The following LRRC61 variants were observed in gnomAD, a reference collection of about 807,000 sequenced individuals.
The protein encoded by LRRC61 is leucine-rich repeat-containing protein 61.
LRRC61 carries 9 observed loss-of-function variants against 15.1 expected under a neutral mutation model. The observed-to-expected ratio is 0.60, with a 90% confidence interval of 0.36 to 1.04. LRRC61 has a LOEUF of 1.04. LRRC61 is among the 50% of genes least tolerant of loss of function. The pLI is 0.01. For missense variants in LRRC61, 344 were observed against 335.6 expected, an observed-to-expected ratio of 1.03 and a Z score of -0.20; for synonymous variants, 173 against 158.6, an observed-to-expected ratio of 1.09 and a Z score of -0.68.
rs1470749986 is a variant in LRRC61 at position 150,333,115 on chromosome 7, G to A, written c.-144-3603G>A. 1.3e-5 allele frequency among the ~76,000 whole-genome samples: 2 copies of A among 152,212 alleles called. No homozygotes were observed. Among genetic ancestry groups the A allele is most frequent in the South Asian group, 2.1e-4 (1 of 4,834 alleles). On this transcript the variant is annotated intron_variant, in intron 2 of 2. Transcript: ENST00000359623. This position sits in a 1 kb window ranked among gnomAD's most constrained non-coding sequence, Gnocchi z 4.3. ...GTGTGGCATCACCGAGCGGGCTCAT[G>A]TTCTGGGAGAGGACTGGGAGGCCTA... is the stretch of plus-strand genomic sequence containing the variant.
chr7:150,316,922 T>C, the LRRC61 span, among the ~76,000 whole-genome samples: 1 of 152,222 alleles, frequency 6.6e-6, no homozygotes, highest in Non-Finnish European at 1.5e-5. Context: ...TCCATTTATT[T>C]AGGTCTTCTT....
intron 1 of LRRC61, among the ~76,000 whole-genome samples, chr7:150,324,571 A>C (rs974517285): frequency 1.3e-5 from 2 of 152,192 alleles, no homozygotes; most frequent in Non-Finnish European, 2.9e-5. Context: ...GCTCTCAGGC[A>C]TAAGCTGCCT....
At chr7:150,314,201 C>T in the LRRC61 span, among the ~76,000 whole-genome samples, 1 of 152,130 alleles carries the variant, frequency 6.6e-6, no homozygotes, top group Non-Finnish European at 1.5e-5. Flanking sequence ...TGGCAGGAGC[C>T]GAAGGGATCT....
At chr7:150,315,272 C>T in the LRRC61 span, among the ~76,000 whole-genome samples, 50 of 151,994 alleles carry the variant, frequency 3.3e-4, no homozygotes, top group African/African-American at 1.2e-3. Flanking sequence ...TAAAATTGAA[C>T]GTCATCGTGA....
the LRRC61 span, among the ~76,000 whole-genome samples, chr7:150,316,200 AAAAC>A: frequency 2.0e-5 from 3 of 152,356 alleles, no homozygotes; most frequent in East Asian, 1.9e-4. Flanking sequence ...TCTGTCTCAA[AAAAC>A]AAACAAACAA....
rs746030305 is a variant in LRRC61 at position 150,337,194 on chromosome 7, C to T, written c.333C>T (p.Thr111=). The change falls in exon 3 of 3, where the codon ACC becomes ACT. Residue 111 remains threonine (T), a synonymous_variant. Transcript: ENST00000359623. ...SLNAAGNLLA[T]PGQLQCLAGL... ...ATGCCGCAGGCAACCTACTGGCCAC[C>T]CCGGGCCAGCTGCAGTGTCTGGCTG... 27 of 1,606,950 alleles carry T rather than the reference C, an allele frequency of 1.7e-5. No homozygotes were observed. The South Asian group carries it at 2.3e-4, about 14-fold the overall frequency.
At chr7:150,320,641 T>TA (rs1797409914), upstream of LRRC61, among the ~76,000 whole-genome samples, 1 of 152,170 alleles carries the variant, frequency 6.6e-6, no homozygotes, top group South Asian at 2.1e-4. Flanking sequence ...CGCACATCTG[T>TA]AATTCCAGCT....
intron 2 of LRRC61, among the ~76,000 whole-genome samples, chr7:150,332,965 CAT>C (rs1377918364): frequency 6.6e-6 from 1 of 152,210 alleles, no homozygotes; most frequent in Admixed American, 6.5e-5. Flanking sequence ...TCCTGACTCA[CAT>C]GTCGGGGCGG....
chr7:150,310,145 G>A, the LRRC61 span, among the ~76,000 whole-genome samples: 1 of 152,048 alleles, frequency 6.6e-6, no homozygotes, highest in African/African-American at 2.4e-5. Flanking sequence ...CTGCTTCCCT[G>A]GTTATTCCTG....
chr7:150,321,005 TCG>T (rs1349368469), upstream of LRRC61, among the ~76,000 whole-genome samples: 1 of 152,206 alleles, frequency 6.6e-6, no homozygotes, highest in African/African-American at 2.4e-5. Context: ...CTCTCAGTCC[TCG>T]TTTTGACTAG....
rs979406866 is a variant in LRRC61, at chr7:150,333,628, T to C, written c.-144-3090T>C. Reference sequence around the variant, plus strand: ...TTCCCTGGTTCTCAGTCAGCCTCCCTCAAAGGGCCCAAGTGCCATCCTTGT... The same window carrying C: ...TTCCCTGGTTCTCAGTCAGCCTCCCCCAAAGGGCCCAAGTGCCATCCTTGT... On this transcript the variant is annotated intron_variant, in intron 2 of 2. Coordinates refer to ENST00000359623, the MANE Select transcript of LRRC61 (RefSeq NM_001142928.2). This position sits in a 1 kb window ranked among gnomAD's most constrained non-coding sequence, Gnocchi z 4.3. 5.3e-5 allele frequency among the ~76,000 whole-genome samples: 8 copies of C among 152,174 alleles called. No individual in the cohort carries two copies. The highest frequency in any genetic ancestry group is 1.9e-4 in the African/African-American group (8 of 41,434).
At chr7:150,329,281 C>T (rs1171513896) in intron 2 of LRRC61, among the ~76,000 whole-genome samples, 2 of 152,120 alleles carry the variant, frequency 1.3e-5, no homozygotes, top group Non-Finnish European at 2.9e-5. Flanking sequence ...AGTGAGGGAC[C>T]GAGATTAAAG....
rs1798357704 is a variant in LRRC61 at position 150,337,745 on chromosome 7, C to G, written c.*104C>G. 6 of 1,207,162 alleles carry G rather than the reference C, an allele frequency of 5.0e-6. No individual in the cohort carries two copies. The highest frequency in any genetic ancestry group is 5.7e-5 in the Admixed American group (2 of 35,130). 74.8% of individuals were successfully genotyped at this position (1,207,162 alleles called of 1,614,324 possible). ...AGTTGCTTCACACTGGTCACTGGCC[C>G]TGCACACTGGGCTATTGCTTTATCC... On this transcript the variant is annotated 3_prime_UTR_variant, in exon 3 of 3. Coordinates refer to ENST00000359623, the MANE Select transcript of LRRC61 (RefSeq NM_001142928.2).
the LRRC61 span, among the ~76,000 whole-genome samples, chr7:150,309,789 A>T: frequency 6.6e-6 from 1 of 152,154 alleles, no homozygotes; most frequent in South Asian, 2.1e-4. Context: ...TCTCTGGCTG[A>T]CTGCTTCTCA....
chr7:150,314,400 G>A, the LRRC61 span, among the ~76,000 whole-genome samples: 6 of 152,134 alleles, frequency 3.9e-5, no homozygotes, highest in Non-Finnish European at 8.8e-5. Flanking sequence ...AAGAACACTG[G>A]CTTATAGAAG....
Position 150,336,958 on chromosome 7 carries a change from A to T in LRRC61, c.97A>T (p.Ile33Phe), listed in dbSNP as rs1269075629. The T allele has an allele frequency of 6.2e-7, 1 of 1,613,968 alleles. No individual in the cohort carries two copies. The highest frequency in any genetic ancestry group is 2.2e-5 in the East Asian group (1 of 44,882). The stretch of plus-strand genomic sequence containing the variant: ...CACAGGCGAGTTCTCCCTGGAGTCC[A>T]TCCTGCTACTGAAGCTGCGTGGCTT... ...SRTGEFSLES[I>F]LLLKLRGLGL... is the part of the protein sequence containing the mutation. The change falls in exon 3 of 3, where the codon ATC becomes TTC. Residue 33 changes from isoleucine to phenylalanine, a missense_variant. Transcript: ENST00000359623.
the LRRC61 span, among the ~76,000 whole-genome samples, chr7:150,315,397 G>A: frequency 6.6e-6 from 1 of 152,208 alleles, no homozygotes; most frequent in South Asian, 2.1e-4. Context: ...TGCTAGCAAC[G>A]CCTACAAATC....
At chr7:150,309,909 G>T in the LRRC61 span, among the ~76,000 whole-genome samples, 1 of 152,036 alleles carries the variant, frequency 6.6e-6, no homozygotes, top group African/African-American at 2.4e-5. Flanking sequence ...GGGTAAGTCC[G>T]TCCCCTTTTT....
intron 2 of LRRC61, among the ~76,000 whole-genome samples, chr7:150,327,054 C>T (rs1797977732): frequency 6.6e-6 from 1 of 152,180 alleles, no homozygotes; most frequent in African/African-American, 2.4e-5. Context: ...ATCTCGTCAC[C>T]TGTTATAGGC....
Sources: allele counts gnomAD v4.1 joint callset (sites outside exome capture counted in the v4.1 genomes callset), GRCh38; gene constraint gnomAD v4.1.1; non-coding constraint Gnocchi (gnomAD v3.1); transcripts MANE v1.5; gene names NCBI Gene and HGNC (gene_info 2026-07-23, HGNC 2026-07-21).